Variants in MAGI3 observed in about 807,000 individuals in gnomAD.
The protein encoded by MAGI3 is membrane-associated guanylate kinase, WW and PDZ domain-containing protein 3.
A neutral mutation model predicts 121.8 loss-of-function variants in MAGI3; 43 were observed. That is an observed-to-expected ratio of 0.35 (90% CI 0.28 to 0.46). The LOEUF is 0.46. Ranked by LOEUF, MAGI3 falls within the 20% of genes least tolerant of loss-of-function variation. MAGI3 has a pLI of 1.00. For missense variants in MAGI3, 1,547 were observed against 1,797.3 expected (o/e 0.86, Z 2.52); for synonymous variants, 553 against 639.3 (o/e 0.86, Z 2.04).
At chr1:113,421,307 T>C (rs537846766) in intron 1 of MAGI3, among the ~76,000 whole-genome samples, 1 of 152,354 alleles carries the variant, frequency 6.6e-6, no homozygotes, top group East Asian at 1.9e-4. Flanking sequence ...AATTTTGTGC[T>C]ATTCATTTGA....
intron 6 of MAGI3, among the ~76,000 whole-genome samples, chr1:113,596,688 T>C (rs1340422294): frequency 1.3e-5 from 2 of 151,954 alleles, no homozygotes; most frequent in African/African-American, 4.8e-5. Context: ...AAAGAAAATA[T>C]ACAAACAGCC....
At chr1:113,496,200 T>A (rs1163093505) in intron 1 of MAGI3, among the ~76,000 whole-genome samples, 2 of 152,198 alleles carry the variant, frequency 1.3e-5, no homozygotes, top group African/African-American at 4.8e-5. Context: ...ATGAACATAT[T>A]TTCAGGTAGA....
intron 1 of MAGI3, among the ~76,000 whole-genome samples, chr1:113,506,443 A>T (rs1045487550): frequency 5.9e-5 from 9 of 151,324 alleles, no homozygotes; most frequent in African/African-American, 2.2e-4. Flanking sequence ...ATGGTTGTAG[A>T]TCACACCAGT....
chr1:113,629,325 C>G (rs1651448204), intron 9 of MAGI3, among the ~76,000 whole-genome samples: 1 of 152,114 alleles, frequency 6.6e-6, no homozygotes, highest in African/African-American at 2.4e-5. Flanking sequence ...CATTTCTTCT[C>G]TCTGTTATCT....
intron 1 of MAGI3, among the ~76,000 whole-genome samples, chr1:113,424,204 G>GC (rs1232698002): frequency 5.7e-5 from 4 of 70,466 alleles, no homozygotes; most frequent in Admixed American, 1.7e-4. Flanking sequence ...CCCGCCGCCT[G>GC]CCCCCCCGCC....
At chr1:113,680,812 G>C (rs917288836) in intron 19 of MAGI3, among the ~76,000 whole-genome samples, 2 of 151,956 alleles carry the variant, frequency 1.3e-5, no homozygotes, top group African/African-American at 4.8e-5. Context: ...GTTTTATATG[G>C]CTATTAAAGA....
At chr1:113,652,171 A>G (rs533844369) in intron 14 of MAGI3, among the ~76,000 whole-genome samples, 75 of 152,204 alleles carry the variant, frequency 4.9e-4, no homozygotes, top group African/African-American at 1.7e-3. Flanking sequence ...GTTTCTCGCC[A>G]GTAGCTTTAT....
At chr1:113,513,109 G>A (rs1657701225) in intron 1 of MAGI3, among the ~76,000 whole-genome samples, 1 of 152,108 alleles carries the variant, frequency 6.6e-6, no homozygotes, top group Non-Finnish European at 1.5e-5. Flanking sequence ...ACAAACCACT[G>A]CTCAATGAAA....
At chr1:113,402,328 C>T in intron 1 of MAGI3, among the ~76,000 whole-genome samples, 1 of 152,042 alleles carries the variant, frequency 6.6e-6, no homozygotes, top group South Asian at 2.1e-4. Context: ...CATTATATGC[C>T]ATGGATTTTC....
intron 1 of MAGI3, among the ~76,000 whole-genome samples, chr1:113,535,828 C>T (rs535417932): frequency 6.6e-6 from 1 of 152,260 alleles, no homozygotes; most frequent in South Asian, 2.1e-4. Flanking sequence ...TTATATCCAA[C>T]AACCTACTTG....
Position 113,671,842 on chromosome 1 carries a change from G to A in MAGI3, c.2918+6G>A. The stretch of plus-strand genomic sequence containing the variant: ...AACCACATACCTGGGGACAGGTGGG[G>A]CTATTTTCAGGTTTTTGTTTTTGTT... On this transcript the variant is annotated splice_donor_region_variant and intron_variant, in intron 17 of 20. Transcript: ENST00000307546. The A allele has an allele frequency of 1.2e-6, 2 of 1,612,960 alleles. No individual in the cohort carries two copies. The highest frequency in any genetic ancestry group is 1.7e-6 in the Non-Finnish European group (2 of 1,178,996).
rs566757514 is a variant in MAGI3 at position 113,523,472 on chromosome 1, A to G, written c.317-26043A>G. The stretch of plus-strand genomic sequence containing the variant: ...CTGGTAATGATATGGACACTGAAAT[A>G]TAGGCTGAGGTGGTCTCAGATGGAA... On this transcript the variant is annotated intron_variant, in intron 1 of 20. Coordinates refer to ENST00000307546, the MANE Select transcript of MAGI3 (RefSeq NM_001142782.2). Among the ~76,000 whole-genome samples, 227 of 152,334 alleles carry G rather than the reference A, an allele frequency of 1.5e-3. 3 individuals are homozygous for G. The highest frequency in any genetic ancestry group is 3.1e-3 in the Admixed American group (48 of 15,308).
At chr1:113,546,802 G>A (rs1659554370) in intron 1 of MAGI3, among the ~76,000 whole-genome samples, 1 of 151,652 alleles carries the variant, frequency 6.6e-6, no homozygotes, top group African/African-American at 2.4e-5. Flanking sequence ...AAGAATTGAG[G>A]CCAGGCACAG....
intron 1 of MAGI3, among the ~76,000 whole-genome samples, chr1:113,532,890 A>T (rs1658792432): frequency 6.6e-6 from 1 of 152,228 alleles, no homozygotes. Flanking sequence ...GTTAGTGCTT[A>T]CTTGAACTTA....
At chr1:113,575,659 G>C (rs768829616) in intron 2 of MAGI3, among the ~76,000 whole-genome samples, 1 of 152,212 alleles carries the variant, frequency 6.6e-6, no homozygotes, top group Non-Finnish European at 1.5e-5. Context: ...CGGTCAGAAG[G>C]CATGGGGGTC....
At chr1:113,649,158 C>A in intron 12 of MAGI3, 79 bp from the exon 13 acceptor site, 1 of 1,052,080 alleles carries the variant, frequency 9.5e-7, no homozygotes, top group African/African-American at 1.6e-5. Context: ...TCTATAATAT[C>A]CTACTAAATA....
intron 16 of MAGI3, among the ~76,000 whole-genome samples, chr1:113,664,474 T>C (rs1466819875): frequency 6.6e-6 from 1 of 152,212 alleles, no homozygotes; most frequent in Non-Finnish European, 1.5e-5. Context: ...GGCACATGCT[T>C]GTAGTCCCAG....
At chr1:113,661,947 A>G (rs1449786209) in intron 16 of MAGI3, among the ~76,000 whole-genome samples, 1 of 152,228 alleles carries the variant, frequency 6.6e-6, no homozygotes, top group African/African-American at 2.4e-5. Flanking sequence ...CCTTCTGTCC[A>G]TAAAGATCTC....
At chr1:113,484,385 T>C (rs191556574) in intron 1 of MAGI3, among the ~76,000 whole-genome samples, 160 of 152,168 alleles carry the variant, frequency 1.1e-3, no homozygotes, top group East Asian at 2.9e-3. Context: ...TGTGTAGTCA[T>C]TTATCCCTTG....
Sources: gnomAD v4.1 joint callset for allele counts (sites outside exome capture counted in the v4.1 genomes callset) on GRCh38, gnomAD v4.1.1 for gene constraint, MANE v1.5 for transcripts, NCBI Gene and HGNC (gene_info 2026-07-23, HGNC 2026-07-21) for gene names.